The following MPDZ variants were observed in gnomAD, a reference collection of about 807,000 sequenced individuals.
The protein encoded by MPDZ is multiple PDZ domain protein.
Under a neutral mutation model 239.1 loss-of-function variants are expected in MPDZ, and 234 were observed. That is an observed-to-expected ratio of 0.98 (90% confidence interval 0.88 to 1.09). MPDZ has a LOEUF of 1.09. MPDZ is among the 50% of genes least tolerant of loss of function. MPDZ has a pLI of 0.00. For missense variants in MPDZ, 3,175 were observed against 2,510.0 expected, an observed-to-expected ratio of 1.26 and a Z score of -5.66; for synonymous variants, 1,048 against 881.3, an observed-to-expected ratio of 1.19 and a Z score of -3.35.
rs193090753 is a variant in MPDZ at position 13,263,919 on chromosome 9, C to A, written c.-57-13547G>T. Among the ~76,000 whole-genome samples the A allele has an allele frequency of 6.6e-5, 10 of 152,178 alleles. No homozygotes were observed. The East Asian group carries it at 1.9e-3, about 29-fold the overall frequency. ...GTCACACAATATATATAAGCTAATA[C>A]TAAATTATGGAAAAGAGGCATGTTA... On this transcript the variant is annotated intron_variant, in intron 1 of 46. Transcript: ENST00000319217.
At chr9:13,208,662 A>G (rs1379168219) in intron 10 of MPDZ, among the ~76,000 whole-genome samples, 1 of 149,498 alleles carries the variant, frequency 6.7e-6, no homozygotes, top group Non-Finnish European at 1.5e-5. Flanking sequence ...CTAAGTTTAT[A>G]TAGGATATAT....
chr9:13,138,244 G>A, intron 28 of MPDZ, 91 bp from the exon 29 acceptor site: 1 of 1,296,256 alleles, frequency 7.7e-7, no homozygotes, highest in South Asian at 2.0e-5. Flanking sequence ...TACCTCAAAA[G>A]GACAGATTTT....
intron 10 of MPDZ, among the ~76,000 whole-genome samples, chr9:13,207,235 T>G (rs1190083842): frequency 2.0e-5 from 3 of 152,188 alleles, no homozygotes; most frequent in Non-Finnish European, 4.4e-5. Flanking sequence ...TTCAAAAATG[T>G]CCCGGTGATC....
chr9:13,151,242 G>C (rs1283407395), intron 24 of MPDZ, among the ~76,000 whole-genome samples: 2 of 152,012 alleles, frequency 1.3e-5, no homozygotes, highest in Non-Finnish European at 2.9e-5. Context: ...CTATGGAAAA[G>C]AGTATATAGG....
At position 13,218,464 on chromosome 9, in the gene MPDZ, A is replaced by G. The variant is rs1263702585; in HGVS notation, c.1086+1095T>C. 3.3e-5 allele frequency among the ~76,000 whole-genome samples: 5 copies of G among 152,032 alleles called. 1 individual carries two copies. The East Asian group carries it at 9.7e-4, about 30-fold the overall frequency. On this transcript the variant is annotated intron_variant, in intron 8 of 46. Coordinates refer to ENST00000319217, the MANE Select transcript of MPDZ (RefSeq NM_001378778.1). ...GGTTTTCGGTATTGCATTCATTTAT[A>G]TATCGCTGAATAAAATGTTTTGTTT...
At chr9:13,166,436 G>A (rs190287728) in intron 22 of MPDZ, among the ~76,000 whole-genome samples, 193 of 152,102 alleles carry the variant, frequency 1.3e-3, no homozygotes, top group African/African-American at 4.3e-3. Flanking sequence ...GATGATTTTA[G>A]TTTATTTTTA....
At chr9:13,228,068 A>C (rs186600235) in intron 3 of MPDZ, among the ~76,000 whole-genome samples, 42 of 152,276 alleles carry the variant, frequency 2.8e-4, no homozygotes, top group Admixed American at 1.3e-3. Context: ...TAATGAAAAG[A>C]TCTTGATTCT....
At chr9:13,187,966 C>A (rs1458560381) in intron 17 of MPDZ, among the ~76,000 whole-genome samples, 1 of 152,088 alleles carries the variant, frequency 6.6e-6, no homozygotes, top group African/African-American at 2.4e-5. Flanking sequence ...AGGAGAGCCA[C>A]AAACTGATGA....
At chr9:13,275,982 C>G (rs1402517992) in intron 1 of MPDZ, among the ~76,000 whole-genome samples, 1 of 152,160 alleles carries the variant, frequency 6.6e-6, no homozygotes, top group Non-Finnish European at 1.5e-5. Context: ...CTTTCTGTGT[C>G]TTATTTACTA....
Position 13,254,461 on chromosome 9 carries a change from C to T in MPDZ, c.-57-4089G>A, listed in dbSNP as rs145960709. Among the ~76,000 whole-genome samples, 86 of 152,174 alleles carry T rather than the reference C, an allele frequency of 5.7e-4. No individual in the cohort carries two copies. The East Asian group carries it at 8.9e-3, about 16-fold the overall frequency. On this transcript the variant is annotated intron_variant, in intron 1 of 46. Coordinates refer to ENST00000319217, the MANE Select transcript of MPDZ (RefSeq NM_001378778.1). ...CAACACAAAGAGAATTAAGAATACA[C>T]AGTATATTGTTGTAATTGTTCAATT... is the stretch of plus-strand genomic sequence containing the variant.
At chr9:13,198,585 G>C (rs147093002) in intron 12 of MPDZ, among the ~76,000 whole-genome samples, 1 of 151,916 alleles carries the variant, frequency 6.6e-6, no homozygotes, top group African/African-American at 2.4e-5. Flanking sequence ...AAGCTTTTTA[G>C]CTTGATGTGA....
intron 23 of MPDZ, among the ~76,000 whole-genome samples, 193 bp downstream of exon 23, chr9:13,162,498 A>G (rs564000643): frequency 6.6e-6 from 1 of 152,026 alleles, no homozygotes; most frequent in East Asian, 1.9e-4. Context: ...GAATATTTAT[A>G]TATTTCTCAA....
intron 3 of MPDZ, among the ~76,000 whole-genome samples, chr9:13,235,594 C>T (rs980348523): frequency 2.6e-5 from 4 of 152,162 alleles, no homozygotes; most frequent in African/African-American, 9.7e-5. Context: ...TGAGAACACA[C>T]ATTATACTTT....
At chr9:13,172,949 T>G (rs756807183) in intron 21 of MPDZ, among the ~76,000 whole-genome samples, 4 of 152,224 alleles carry the variant, frequency 2.6e-5, no homozygotes, top group Non-Finnish European at 5.9e-5. Context: ...TGGAATATTA[T>G]TCAGCCTTAA....
At chr9:13,247,491 A>C (rs890689717) in intron 3 of MPDZ, 144 bp downstream of exon 3, 2 of 813,504 alleles carry the variant, frequency 2.5e-6, no homozygotes, top group Non-Finnish European at 3.6e-6. Context: ...AGCCACAGTG[A>C]ATCTGAATGT....
Position 13,121,614 on chromosome 9 carries a change from C to T in MPDZ, c.5231+125G>A, listed in dbSNP as rs1944361128. 8 of 942,476 alleles carry T rather than the reference C, an allele frequency of 8.5e-6. No homozygotes were observed. In the South Asian group the frequency reaches 1.3e-4, roughly 15 times the overall value. The allele number at this position is 942,476 out of a possible 1,614,324, so 58.4% of individuals were successfully genotyped here. A position where few individuals can be genotyped will look rare whatever the true frequency, so the allele number is the denominator to read the frequency against. ...TTTTTATGGTTCCTTAGTGAGGGGG[C>T]TAACAACAGCTACCTACTGAACACT... On this transcript the variant is annotated intron_variant, in intron 38 of 46. Transcript: ENST00000319217.
chr9:13,250,442 G>C lies in MPDZ; in HGVS notation c.-57-70C>G, dbSNP rs560257033. 5.1e-6 allele frequency: 4 copies of C among 790,864 alleles called. No individual in the cohort carries two copies. The South Asian group carries it at 7.0e-5, about 14-fold the overall frequency. The allele number at this position is 790,864 out of a possible 1,614,324, so 49.0% of individuals were successfully genotyped here. On this transcript the variant is annotated intron_variant, in intron 1 of 46. Transcript: ENST00000319217. ...ATATTCTAAAGCTATATACTCTGAA[G>C]AACACTTGATACAACTCTAATTCCT... is the stretch of plus-strand genomic sequence containing the variant.
chr9:13,125,622 C>G (rs952873818), intron 34 of MPDZ, among the ~76,000 whole-genome samples: 4 of 152,162 alleles, frequency 2.6e-5, no homozygotes, highest in African/African-American at 7.2e-5. Context: ...TACTCTAAGT[C>G]TAGCTCTGAC....
chr9:13,176,321 T>G lies in MPDZ; in HGVS notation c.2746A>C (p.Thr916Pro). ...CCCATACTTATGTCCACCGAAGGTG[T>G]ATTCTCATCCTGTCTTTGCAGGAGA... Reference protein sequence around the residue: ...QNLLQRQDENTPSVDISMGPA... With the variant: ...QNLLQRQDENPPSVDISMGPA... The change falls in exon 20 of 47, where the codon ACA (threonine) becomes CCA (proline). Residue 916 changes from threonine to proline, a missense_variant. Thr to Pro is a conservative substitution (Grantham distance 38). Coordinates refer to ENST00000319217, the MANE Select transcript of MPDZ (RefSeq NM_001378778.1). 2 of 1,609,544 alleles carry G rather than the reference T, an allele frequency of 1.2e-6. No homozygotes were observed. Among genetic ancestry groups the G allele is most frequent in the South Asian group, 2.2e-5 (2 of 90,132 alleles).
Sources: allele counts gnomAD v4.1 joint callset (sites outside exome capture counted in the v4.1 genomes callset), GRCh38; gene constraint gnomAD v4.1.1; transcripts MANE v1.5; gene names NCBI Gene and HGNC (gene_info 2026-07-23, HGNC 2026-07-21).